The following SLIT3 variants were observed in gnomAD, a reference collection of about 807,000 sequenced individuals.
SLIT3 encodes the protein slit guidance ligand 3, also known as slit homolog 3 protein.
Under a neutral mutation model 184.0 loss-of-function variants are expected in SLIT3, and 68 were observed. The observed-to-expected ratio is 0.37, with a 90% CI of 0.30 to 0.45. The LOEUF is 0.45. Ranked by LOEUF, SLIT3 falls within the 20% of genes least tolerant of loss-of-function variation. SLIT3 has a pLI of 1.00. For synonymous variants in SLIT3, 831 were observed against 828.6 expected, an observed-to-expected ratio of 1.00 and a Z score of -0.05; for missense variants, 1,707 against 2,026.0, an observed-to-expected ratio of 0.84 and a Z score of 3.02.
intron 3 of SLIT3, among the ~76,000 whole-genome samples, chr5:169,234,432 G>T (rs950004167): frequency 6.6e-6 from 1 of 152,096 alleles, no homozygotes; most frequent in East Asian, 1.9e-4. Context: ...TTTCTGAGAT[G>T]CAGTCTCACT....
intron 4 of SLIT3, among the ~76,000 whole-genome samples, chr5:169,054,217 A>G (rs970508436): frequency 1.8e-5 from 2 of 112,748 alleles, no homozygotes; most frequent in African/African-American, 7.7e-5. Flanking sequence ...GAGAGACACT[A>G]AAAAAAAAAA....
chr5:169,208,074 A>G (rs1354344231), intron 3 of SLIT3, among the ~76,000 whole-genome samples: 1 of 152,218 alleles, frequency 6.6e-6, no homozygotes, highest in Admixed American at 6.5e-5. Context: ...GGGGGCAAAC[A>G]GGGAAGAAAA....
At chr5:168,721,612 G>C (rs1762943162) in intron 23 of SLIT3, among the ~76,000 whole-genome samples, 1 of 152,184 alleles carries the variant, frequency 6.6e-6, no homozygotes, top group South Asian at 2.1e-4. Context: ...GGAATGCAGG[G>C]GTAGGGCCCT....
At chr5:168,929,499 G>A (rs1193729815) in intron 4 of SLIT3, among the ~76,000 whole-genome samples, 1 of 152,174 alleles carries the variant, frequency 6.6e-6, no homozygotes, top group African/African-American at 2.4e-5. Context: ...ATTACACAGA[G>A]GTAGAGGCAA....
At chr5:169,155,169 C>T (rs984510491) in intron 4 of SLIT3, among the ~76,000 whole-genome samples, 1 of 152,160 alleles carries the variant, frequency 6.6e-6, no homozygotes, top group East Asian at 1.9e-4. Context: ...CCTGTGTCTG[C>T]GAGTCAGATA....
At chr5:168,962,477 T>G (rs183025477) in intron 4 of SLIT3, among the ~76,000 whole-genome samples, 1 of 152,302 alleles carries the variant, frequency 6.6e-6, no homozygotes. Flanking sequence ...GTGTTTTTGC[T>G]TAGCCTGACA....
intron 23 of SLIT3, among the ~76,000 whole-genome samples, chr5:168,718,677 TACACACACACAC>T (rs1163238928): frequency 0.014 from 1,502 of 108,680 alleles, 27 homozygotes; most frequent in East Asian, 0.085. Context: ...TATCCACCCA[TACACACACACAC>T]ACACACACAC....
chr5:168,681,990 A>C, intron 32 of SLIT3, among the ~76,000 whole-genome samples: 1 of 152,212 alleles, frequency 6.6e-6, no homozygotes, highest in East Asian at 1.9e-4. Flanking sequence ...AGGCTGAATC[A>C]CTTGTTCACA....
chr5:168,866,346 C>T (rs1034808681), intron 5 of SLIT3, among the ~76,000 whole-genome samples: 3 of 152,196 alleles, frequency 2.0e-5, no homozygotes, highest in Non-Finnish European at 4.4e-5. Context: ...TGCCTTTGTT[C>T]CACATGAGGC....
chr5:168,938,114 C>T (rs1762218646), intron 4 of SLIT3, among the ~76,000 whole-genome samples: 1 of 152,170 alleles, frequency 6.6e-6, no homozygotes, highest in African/African-American at 2.4e-5. Context: ...AATTTTCTGA[C>T]AGTTGGGAGT....
At chr5:169,128,980 C>G (rs906164811) in intron 4 of SLIT3, among the ~76,000 whole-genome samples, 2 of 152,106 alleles carry the variant, frequency 1.3e-5, no homozygotes, top group African/African-American at 4.8e-5. Flanking sequence ...AAAGGTGGAG[C>G]TGGGGGAGGA....
chr5:169,035,184 C>T (rs981715078), intron 4 of SLIT3, among the ~76,000 whole-genome samples: 2 of 152,124 alleles, frequency 1.3e-5, no homozygotes, highest in African/African-American at 4.8e-5. Context: ...TGTGGATAGA[C>T]TGTAAGAGAA....
chr5:168,671,195 G>T lies in SLIT3; in HGVS notation c.4127+3C>A. 6.2e-7 allele frequency: 1 copy of T among 1,604,750 alleles called. No individual in the cohort carries two copies. Among genetic ancestry groups the T allele is most frequent in the South Asian group, 1.1e-5 (1 of 90,762 alleles). On this transcript the variant is annotated splice_donor_region_variant and intron_variant, in intron 34 of 35. Coordinates refer to ENST00000519560, the MANE Select transcript of SLIT3 (RefSeq NM_003062.4). ...ACACAGCCAGGGCTCCTGGGACACT[G>T]ACCTGTGGCCGAGGCAGGGGTCCCG...
At chr5:169,138,242 T>C (rs915493823) in intron 4 of SLIT3, among the ~76,000 whole-genome samples, 1 of 152,200 alleles carries the variant, frequency 6.6e-6, no homozygotes. Context: ...CGTAAACGCA[T>C]GGGACTTATA....
chr5:168,789,119 TGAG>T (rs1156652939), intron 11 of SLIT3, among the ~76,000 whole-genome samples: 2 of 151,992 alleles, frequency 1.3e-5, no homozygotes, highest in African/African-American at 4.8e-5. Context: ...ACAATGGCCA[TGAG>T]GGTGGTCTGG....
At chr5:168,687,385 C>T (rs1401992950) in intron 29 of SLIT3, among the ~76,000 whole-genome samples, 1 of 152,228 alleles carries the variant, frequency 6.6e-6, no homozygotes, top group Non-Finnish European at 1.5e-5. Context: ...TCTGCCACTT[C>T]CTACATGAAA....
chr5:168,772,840 G>A lies in SLIT3; in HGVS notation c.1400C>T (p.Pro467Leu). 11 of 1,614,104 alleles carry A rather than the reference G, an allele frequency of 6.8e-6. No homozygotes were observed. The highest frequency in any genetic ancestry group is 9.3e-6 in the Non-Finnish European group (11 of 1,180,018). ...IETSGARCSS[P>L]RRLANKRISQ... ...GATGCGCTTGTTGGCGAGTCGGCGC[G>A]GGCTGCTGCAGCGGGCCCCGCTTGT... Residue 467 changes from proline to leucine, a missense_variant, in exon 14 of 36, where the codon CCG becomes CTG. Around this residue, in one of 3 missense-constraint regions of SLIT3, gnomAD observed 1,307 missense variants for 1,511.6 expected, o/e 0.86. Coordinates refer to ENST00000519560, the MANE Select transcript of SLIT3 (RefSeq NM_003062.4).
intron 4 of SLIT3, among the ~76,000 whole-genome samples, chr5:169,033,594 A>C (rs1757120951): frequency 6.6e-6 from 1 of 152,188 alleles, no homozygotes; most frequent in South Asian, 2.1e-4. Context: ...TCATACCCTC[A>C]CCAACATTTG....
intron 4 of SLIT3, among the ~76,000 whole-genome samples, chr5:168,884,955 A>C (rs535630780): frequency 6.6e-6 from 1 of 152,202 alleles, no homozygotes; most frequent in Admixed American, 6.5e-5. Flanking sequence ...AAGGGCACCT[A>C]ATCAAAAGCT....
Sources: gnomAD v4.1 joint callset for allele counts (sites outside exome capture counted in the v4.1 genomes callset) on GRCh38, gnomAD v4.1.1 for gene constraint, gnomAD v4.1.1 regional missense constraint, MANE v1.5 for transcripts, NCBI Gene and HGNC (gene_info 2026-07-23, HGNC 2026-07-21) for gene names.